GRID1: variants seen among roughly 807,000 people sequenced by gnomAD.
The protein encoded by GRID1 is glutamate ionotropic receptor delta type subunit 1.
In GRID1, 28 loss-of-function variants were observed where a neutral mutation model predicts 98.0. That is an observed-to-expected ratio of 0.29 (90% confidence interval 0.21 to 0.39). The LOEUF (loss-of-function observed/expected upper bound fraction) is 0.39, where lower values mean the gene tolerates loss of function less well. Among genes scored for constraint, GRID1 ranks in the 10% least tolerant of loss-of-function variants. The pLI, the probability that GRID1 is intolerant of heterozygous loss-of-function variation, is 1.00. For missense variants in GRID1, 1,111 were observed against 1,340.5 expected, an observed-to-expected ratio of 0.83 and a Z score of 2.67; for synonymous variants, 553 against 538.5, an observed-to-expected ratio of 1.03 and a Z score of -0.37.
At chr10:86,006,287 T>C (rs1842859425) in intron 4 of GRID1, among the ~76,000 whole-genome samples, 1 of 152,180 alleles carries the variant, frequency 6.6e-6, no homozygotes, top group Admixed American at 6.5e-5. Flanking sequence ...AAAACCTAAC[T>C]CATTCCAAAC....
At chr10:85,960,742 A>G (rs919579933) in intron 4 of GRID1, among the ~76,000 whole-genome samples, 3 of 152,208 alleles carry the variant, frequency 2.0e-5, no homozygotes, top group African/African-American at 7.2e-5. Context: ...CAATGGATTG[A>G]GCCTGGTTTA....
intron 3 of GRID1, among the ~76,000 whole-genome samples, chr10:86,139,465 C>T (rs992231851): frequency 6.6e-6 from 1 of 152,188 alleles, no homozygotes; most frequent in African/African-American, 2.4e-5. Flanking sequence ...CTGACTGGAG[C>T]GGGCCTGGCC....
chr10:85,689,227 AT>A (rs933920533), intron 12 of GRID1, among the ~76,000 whole-genome samples: 2 of 152,206 alleles, frequency 1.3e-5, no homozygotes, highest in African/African-American at 4.8e-5. Context: ...CTTTATAAGC[AT>A]TTTGGAACTG....
At chr10:86,357,570 A>C (rs751242782) in intron 2 of GRID1, among the ~76,000 whole-genome samples, 2 of 152,200 alleles carry the variant, frequency 1.3e-5, no homozygotes, top group South Asian at 4.1e-4. Context: ...GCCCTCATGC[A>C]TATGTGCACG....
chr10:85,935,560 G>A (rs1841915582), intron 4 of GRID1, among the ~76,000 whole-genome samples: 2 of 152,110 alleles, frequency 1.3e-5, no homozygotes, highest in South Asian at 4.1e-4. Context: ...TGTGTGCCAG[G>A]CCCAGCCAGG....
intron 8 of GRID1, among the ~76,000 whole-genome samples, chr10:85,768,859 C>A (rs1842225226): frequency 6.6e-6 from 1 of 152,210 alleles, no homozygotes; most frequent in Admixed American, 6.5e-5. Context: ...CACACATATA[C>A]AAATCCTTGT....
At chr10:86,173,164 A>G (rs1845519753) in intron 3 of GRID1, among the ~76,000 whole-genome samples, 1 of 152,180 alleles carries the variant, frequency 6.6e-6, no homozygotes, top group Non-Finnish European at 1.5e-5. Flanking sequence ...CAGCCTACCA[A>G]GTAGCTGGGA....
chr10:85,855,467 C>T (rs1395185139), intron 7 of GRID1, among the ~76,000 whole-genome samples: 2 of 152,236 alleles, frequency 1.3e-5, no homozygotes, highest in Non-Finnish European at 2.9e-5. Flanking sequence ...CTCACCTACA[C>T]TAAAGCATGT....
intron 4 of GRID1, among the ~76,000 whole-genome samples, chr10:85,964,821 C>T (rs563630930): frequency 6.6e-6 from 1 of 152,232 alleles, no homozygotes; most frequent in African/African-American, 2.4e-5. Flanking sequence ...AGCTTCTGCA[C>T]AGCAAAAGAA....
chr10:85,887,373 A>G (rs1228178551), intron 5 of GRID1, among the ~76,000 whole-genome samples: 1 of 152,180 alleles, frequency 6.6e-6, no homozygotes, highest in Non-Finnish European at 1.5e-5. Flanking sequence ...CTGCCCCCTA[A>G]AAACTTATGG....
chr10:86,241,931 T>C (rs757015698), intron 2 of GRID1, among the ~76,000 whole-genome samples: 1 of 152,178 alleles, frequency 6.6e-6, no homozygotes, highest in Non-Finnish European at 1.5e-5. Flanking sequence ...CTATGCTGGG[T>C]CCCTGGATGC....
chr10:85,657,224 TA>T (rs1564550349), intron 12 of GRID1, among the ~76,000 whole-genome samples: 1 of 152,136 alleles, frequency 6.6e-6, no homozygotes, highest in Non-Finnish European at 1.5e-5. Context: ...CATTATATGA[TA>T]AAAATACAAA....
At chr10:85,704,761 C>T (rs940763169) in intron 12 of GRID1, among the ~76,000 whole-genome samples, 3 of 152,178 alleles carry the variant, frequency 2.0e-5, no homozygotes, top group African/African-American at 4.8e-5. Flanking sequence ...GAAATTATAA[C>T]AAACTATCTT....
intron 2 of GRID1, among the ~76,000 whole-genome samples, chr10:86,355,184 G>A (rs1848517349): frequency 6.6e-6 from 1 of 152,238 alleles, no homozygotes; most frequent in African/African-American, 2.4e-5. Flanking sequence ...TTACAGTCAG[G>A]GAAACCGAGG....
At chr10:86,348,686 C>T (rs1270699022) in intron 2 of GRID1, among the ~76,000 whole-genome samples, 1 of 152,226 alleles carries the variant, frequency 6.6e-6, no homozygotes, top group Non-Finnish European at 1.5e-5. Context: ...CACGTGACAG[C>T]GTCCCAGGGC....
At chr10:86,027,929 A>G (rs954081585) in intron 4 of GRID1, among the ~76,000 whole-genome samples, 1 of 152,236 alleles carries the variant, frequency 6.6e-6, no homozygotes, top group Non-Finnish European at 1.5e-5. Context: ...ACATTGATGA[A>G]CACTGGGTTT....
chr10:86,351,651 C>T (rs980517355), intron 2 of GRID1, among the ~76,000 whole-genome samples: 1 of 152,172 alleles, frequency 6.6e-6, no homozygotes, highest in South Asian at 2.1e-4. Context: ...GGAGAAGATC[C>T]CAGGGCCTGA....
intron 5 of GRID1, among the ~76,000 whole-genome samples, chr10:85,911,226 G>A (rs1798917446): frequency 6.6e-6 from 1 of 152,162 alleles, no homozygotes; most frequent in African/African-American, 2.4e-5. Context: ...CCAACCAGAA[G>A]GATGGGGACA....
intron 4 of GRID1, among the ~76,000 whole-genome samples, chr10:86,120,074 C>T (rs762211914): frequency 6.6e-6 from 1 of 152,120 alleles, no homozygotes; most frequent in Non-Finnish European, 1.5e-5. Context: ...GCTGAGATTA[C>T]AGGTGTAAGC....
Sources: allele counts gnomAD v4.1 joint callset (sites outside exome capture counted in the v4.1 genomes callset), GRCh38; gene constraint gnomAD v4.1.1; transcripts MANE v1.5; gene names NCBI Gene and HGNC (gene_info 2026-07-23, HGNC 2026-07-21).